SIL1: variants seen among roughly 807,000 people sequenced by gnomAD.
SIL1 encodes SIL1 nucleotide exchange factor, also known as nucleotide exchange factor SIL1.
SIL1 carries 40 observed loss-of-function variants against 49.1 expected under a neutral mutation model. That is an observed-to-expected ratio of 0.81 (90% CI 0.63 to 1.06). The LOEUF (loss-of-function observed/expected upper bound fraction) is 1.06. Ranked by LOEUF, SIL1 falls within the 50% of genes least tolerant of loss-of-function variation. The pLI is 0.00. For missense variants in SIL1, 500 were observed against 572.6 expected (o/e 0.87, Z 1.29); for synonymous variants, 253 against 250.8 (o/e 1.01, Z -0.08).
chr5:139,142,187 C>T (rs1423953245), intron 1 of SIL1, among the ~76,000 whole-genome samples: 12 of 152,208 alleles, frequency 7.9e-5, no homozygotes, highest in African/African-American at 2.2e-4. Flanking sequence ...TTAACAGGCA[C>T]TTACTGGCCA....
chr5:139,127,640 A>G, intron 2 of SIL1, 99 bp downstream of exon 2: 2 of 937,986 alleles, frequency 2.1e-6, no homozygotes, highest in Admixed American at 2.0e-5. Context: ...AGAAAGAAAC[A>G]TAGAAGCCCA....
rs150315172 is a variant in SIL1, at chr5:138,954,760, G to C, written c.768-2876C>G. Among the ~76,000 whole-genome samples the C allele has an allele frequency of 3.2e-3, 490 of 152,352 alleles. 6 individuals carry two copies. Among genetic ancestry groups the C allele is most frequent in the Non-Finnish European group, 5.1e-3 (345 of 68,036 alleles). On this transcript the variant is annotated intron_variant, in intron 7 of 9. Transcript: ENST00000394817. The stretch of plus-strand genomic sequence containing the variant: ...CAACTACCAAAACAGCTCAGAGTGA[G>C]GCCTCTGGATGTGCAAGGACCAGGG...
At chr5:139,149,234 G>A (rs1425547096) in intron 1 of SIL1, among the ~76,000 whole-genome samples, 3 of 152,116 alleles carry the variant, frequency 2.0e-5, no homozygotes, top group Non-Finnish European at 2.9e-5. Flanking sequence ...TAACAGTCAC[G>A]CCAATCTGGA....
chr5:139,048,050 G>C (rs1011518717), intron 4 of SIL1, among the ~76,000 whole-genome samples: 2 of 152,222 alleles, frequency 1.3e-5, no homozygotes, highest in African/African-American at 4.8e-5. Flanking sequence ...AGGTGGTAGA[G>C]AAGTGAGTTC....
intron 7 of SIL1, among the ~76,000 whole-genome samples, chr5:138,974,635 G>A (rs1473018128): frequency 2.6e-5 from 4 of 152,102 alleles, no homozygotes; most frequent in Admixed American, 1.3e-4. Flanking sequence ...AAGAACATTC[G>A]GTATGGAAAG....
At chr5:139,154,866 G>A (rs1018909555) in intron 1 of SIL1, among the ~76,000 whole-genome samples, 1 of 152,138 alleles carries the variant, frequency 6.6e-6, no homozygotes, top group East Asian at 1.9e-4. Context: ...GAAATAAATG[G>A]AGAGGAAGAA....
intron 1 of SIL1, among the ~76,000 whole-genome samples, chr5:139,132,646 CA>C (rs1402551695): frequency 6.6e-6 from 1 of 152,132 alleles, no homozygotes; most frequent in African/African-American, 2.4e-5. Context: ...TCAGGCTTCA[CA>C]GGGGCATCCA....
chr5:138,949,834 GAAAA>G (rs1241027194), intron 9 of SIL1, among the ~76,000 whole-genome samples: 2 of 149,050 alleles, frequency 1.3e-5, no homozygotes, highest in Admixed American at 6.7e-5. Context: ...GAAAAGAAAA[GAAAA>G]AAGAAAAAAG....
intron 3 of SIL1, chr5:139,108,348 A>G (rs925146148): frequency 1.3e-5 from 2 of 152,232 alleles, no homozygotes; most frequent in African/African-American, 4.8e-5. Context: ...TTTCAAGCCT[A>G]TGGAAACACG....
chr5:139,118,602 A>G (rs1293973063), intron 3 of SIL1, among the ~76,000 whole-genome samples: 1 of 152,136 alleles, frequency 6.6e-6, no homozygotes, highest in African/African-American at 2.4e-5. Flanking sequence ...CTTTACCACT[A>G]AATTATACCA....
At chr5:139,033,005 T>C (rs959042173) in intron 5 of SIL1, 6 of 152,222 alleles carry the variant, frequency 3.9e-5, no homozygotes, top group Admixed American at 3.9e-4. Context: ...TTTTGTTTTT[T>C]GTTTTTGAAA....
chr5:139,108,431 T>C (rs1369324013), intron 3 of SIL1, among the ~76,000 whole-genome samples: 1 of 152,182 alleles, frequency 6.6e-6, no homozygotes, highest in Middle Eastern at 3.2e-3. Flanking sequence ...TATCCAATGA[T>C]GGGCAACACA....
chr5:139,114,512 G>C (rs1302917269), intron 3 of SIL1, among the ~76,000 whole-genome samples: 6 of 152,124 alleles, frequency 3.9e-5, no homozygotes, highest in Non-Finnish European at 2.9e-5. Flanking sequence ...TCCCCCAAGT[G>C]GTTCTCCCTA....
chr5:138,962,398 G>A (rs1375429095), intron 7 of SIL1, among the ~76,000 whole-genome samples: 3 of 151,942 alleles, frequency 2.0e-5, no homozygotes, highest in East Asian at 1.9e-4. Context: ...GTGAAAGTCC[G>A]AGATTCTAGT....
At chr5:139,048,424 G>A (rs1769217732) in intron 4 of SIL1, among the ~76,000 whole-genome samples, 1 of 139,676 alleles carries the variant, frequency 7.2e-6, no homozygotes, top group Non-Finnish European at 1.5e-5. Context: ...CACCCAGGCT[G>A]GAATGCAGTG....
chr5:139,037,977 C>G (rs542118180), intron 5 of SIL1, among the ~76,000 whole-genome samples: 49 of 152,298 alleles, frequency 3.2e-4, no homozygotes, highest in Middle Eastern at 6.8e-3. Context: ...GTGAGGGTCC[C>G]CTTTCTGGCT....
chr5:138,989,873 GT>G (rs1159816869), intron 7 of SIL1, among the ~76,000 whole-genome samples: 5 of 152,182 alleles, frequency 3.3e-5, no homozygotes, highest in African/African-American at 1.2e-4. Flanking sequence ...AAAACTCAGA[GT>G]TTCTGACTCA....
chr5:139,025,131 T>C (rs1248439180), intron 6 of SIL1, among the ~76,000 whole-genome samples: 1 of 152,276 alleles, frequency 6.6e-6, no homozygotes, highest in Non-Finnish European at 1.5e-5. Flanking sequence ...TTCATAGACG[T>C]ATCTCAAGTG....
At chr5:139,169,616 G>C (rs1016344992) in intron 1 of SIL1, among the ~76,000 whole-genome samples, 1 of 151,094 alleles carries the variant, frequency 6.6e-6, no homozygotes, top group Non-Finnish European at 1.5e-5. Flanking sequence ...CGAGTAGCTG[G>C]GACTACAGGT....
Sources: allele counts gnomAD v4.1 joint callset (sites outside exome capture counted in the v4.1 genomes callset), GRCh38; gene constraint gnomAD v4.1.1; transcripts MANE v1.5; gene names NCBI Gene and HGNC (gene_info 2026-07-23, HGNC 2026-07-21).